Variants in NALF1 observed in about 807,000 individuals in gnomAD.
The protein encoded by NALF1 is family with sequence similarity 155 member A.
Under a neutral mutation model 48.4 loss-of-function variants are expected in NALF1, and 3 were observed. The observed-to-expected ratio is 0.06, with a 90% CI of 0.03 to 0.16. NALF1 has a LOEUF of 0.16. Ranked by LOEUF, NALF1 falls within the 10% of genes least tolerant of loss-of-function variation. NALF1 has a pLI of 1.00. For missense variants in NALF1, 526 were observed against 571.5 expected, an observed-to-expected ratio of 0.92 and a Z score of 0.81; for synonymous variants, 262 against 245.7, an observed-to-expected ratio of 1.07 and a Z score of -0.62.
chr13:107,199,889 T>C (rs1451650669), intron 2 of NALF1, among the ~76,000 whole-genome samples: 1 of 152,182 alleles, frequency 6.6e-6, no homozygotes, highest in Non-Finnish European at 1.5e-5. Context: ...GCGGGAGCAT[T>C]GCAGGCTGTG....
At chr13:107,335,041 T>A (rs1882531040) in intron 1 of NALF1, among the ~76,000 whole-genome samples, 1 of 152,110 alleles carries the variant, frequency 6.6e-6, no homozygotes, top group Non-Finnish European at 1.5e-5. Flanking sequence ...ACCTCTGAAG[T>A]CTTCGTGATC....
chr13:107,677,143 T>G (rs1881153375), intron 1 of NALF1, among the ~76,000 whole-genome samples: 1 of 152,210 alleles, frequency 6.6e-6, no homozygotes, highest in East Asian at 1.9e-4. Context: ...GCCTCCCCAG[T>G]TCAAGTGATT....
At chr13:107,787,344 A>G (rs1878106179) in intron 1 of NALF1, among the ~76,000 whole-genome samples, 1 of 152,222 alleles carries the variant, frequency 6.6e-6, no homozygotes, top group African/African-American at 2.4e-5. Flanking sequence ...TATCATCACA[A>G]TTATATGGTA....
chr13:107,406,236 A>G (rs1218520295), intron 1 of NALF1, among the ~76,000 whole-genome samples: 3 of 152,074 alleles, frequency 2.0e-5, no homozygotes, highest in Non-Finnish European at 4.4e-5. Context: ...GTTCTTACTT[A>G]ACAATAATAA....
Position 107,163,575 on chromosome 13 carries a change from G to T in NALF1, c.*6922C>A, listed in dbSNP as rs906063989. On this transcript the variant is annotated 3_prime_UTR_variant, in exon 3 of 3. Coordinates refer to ENST00000375915, the MANE Select transcript of NALF1 (RefSeq NM_001080396.3). ...AATAATTTTAGAAGTTGAAATTTAA[G>T]ATCCAAGGCATTTCTTTAGCTACTA... The T allele has an allele frequency of 3.9e-5, 6 of 152,114 alleles. No homozygotes were observed. In the South Asian group the frequency reaches 6.2e-4, roughly 16 times the overall value. The allele number at this position is 152,114 out of a possible 1,614,324, so 9.4% of individuals were successfully genotyped here.
intron 1 of NALF1, among the ~76,000 whole-genome samples, chr13:107,660,485 A>ACACAC (rs1183006530): frequency 9.3e-6 from 1 of 107,010 alleles, no homozygotes; most frequent in East Asian, 3.4e-4. Flanking sequence ...ACACACACAC[A>ACACAC]ACAAAGAAAC....
At chr13:107,717,180 G>T (rs1255711692) in intron 1 of NALF1, among the ~76,000 whole-genome samples, 1 of 152,044 alleles carries the variant, frequency 6.6e-6, no homozygotes, top group Non-Finnish European at 1.5e-5. Flanking sequence ...AATTCTATTT[G>T]TATCCAATGA....
intron 1 of NALF1, among the ~76,000 whole-genome samples, chr13:107,247,939 T>C (rs1880616160): frequency 6.6e-6 from 1 of 152,168 alleles, no homozygotes; most frequent in Non-Finnish European, 1.5e-5. Flanking sequence ...TGCTCAAGTT[T>C]AGCGCATTAT....
intron 1 of NALF1, among the ~76,000 whole-genome samples, chr13:107,807,086 A>G (rs1878815914): frequency 1.3e-5 from 2 of 152,190 alleles, no homozygotes; most frequent in Non-Finnish European, 2.9e-5. Flanking sequence ...ATAATAGTAT[A>G]TTCACATTCT....
chr13:107,243,983 C>T (rs554405524), intron 1 of NALF1, among the ~76,000 whole-genome samples: 1 of 152,292 alleles, frequency 6.6e-6, no homozygotes, highest in African/African-American at 2.4e-5. Flanking sequence ...TCACAAAAAT[C>T]AGGTTAGCCT....
intron 1 of NALF1, among the ~76,000 whole-genome samples, chr13:107,852,291 T>C (rs1255546292): frequency 1.3e-5 from 2 of 152,208 alleles, no homozygotes; most frequent in Non-Finnish European, 2.9e-5. Flanking sequence ...TTACTCCTTT[T>C]TAAACTAGGT....
chr13:107,648,027 T>C (rs970648148), intron 1 of NALF1, among the ~76,000 whole-genome samples: 3 of 152,166 alleles, frequency 2.0e-5, no homozygotes, highest in Non-Finnish European at 4.4e-5. Flanking sequence ...ACAAGTAGTA[T>C]TGTTTTTTAA....
intron 1 of NALF1, among the ~76,000 whole-genome samples, chr13:107,740,335 T>C (rs1304136336): frequency 6.6e-6 from 1 of 152,128 alleles, no homozygotes; most frequent in African/African-American, 2.4e-5. Flanking sequence ...CCATAGAAGA[T>C]GTAATAGAAT....
intron 1 of NALF1, among the ~76,000 whole-genome samples, chr13:107,647,468 A>C (rs1361530286): frequency 6.6e-6 from 1 of 151,950 alleles, no homozygotes; most frequent in African/African-American, 2.4e-5. Context: ...TTATCGAAAA[A>C]AAAAAAAAAC....
At chr13:107,457,683 A>C (rs1304788956) in intron 1 of NALF1, among the ~76,000 whole-genome samples, 1 of 143,770 alleles carries the variant, frequency 7.0e-6, no homozygotes, top group South Asian at 2.2e-4. Context: ...CCAATTGAAG[A>C]CAAACACATG....
intron 1 of NALF1, among the ~76,000 whole-genome samples, chr13:107,329,734 C>T (rs1288885625): frequency 6.6e-6 from 1 of 150,892 alleles, no homozygotes; most frequent in Non-Finnish European, 1.5e-5. Context: ...CAATTCCCAC[C>T]TATGAGTGAG....
chr13:107,443,144 T>C (rs563893856), intron 1 of NALF1, among the ~76,000 whole-genome samples: 3 of 151,978 alleles, frequency 2.0e-5, no homozygotes, highest in African/African-American at 7.2e-5. Context: ...CATTACAACA[T>C]AAATTTATTA....
intron 1 of NALF1, among the ~76,000 whole-genome samples, chr13:107,657,421 T>C (rs1594188497): frequency 6.6e-6 from 1 of 152,178 alleles, no homozygotes; most frequent in Non-Finnish European, 1.5e-5. Context: ...ATTCTAAGTA[T>C]TTGTGCATAT....
chr13:107,706,127 C>A (rs1881940799), intron 1 of NALF1, among the ~76,000 whole-genome samples: 1 of 152,098 alleles, frequency 6.6e-6, no homozygotes, highest in Non-Finnish European at 1.5e-5. Context: ...TGTTCTATAG[C>A]CTGCTAAAGT....
Sources: gnomAD v4.1 joint callset for allele counts (sites outside exome capture counted in the v4.1 genomes callset) on GRCh38, gnomAD v4.1.1 for gene constraint, MANE v1.5 for transcripts, NCBI Gene and HGNC (gene_info 2026-07-23, HGNC 2026-07-21) for gene names.